The following EIF2AK4 variants were observed in gnomAD, a reference collection of about 807,000 sequenced individuals.
EIF2AK4 encodes the protein eukaryotic translation initiation factor 2 alpha kinase 4, also known as eIF-2-alpha kinase GCN2.
In EIF2AK4, 139 loss-of-function variants were observed where a neutral mutation model predicts 211.1. The ratio of observed to expected loss-of-function variants is 0.66; its 90% confidence interval spans 0.57 to 0.76. The LOEUF (loss-of-function observed/expected upper bound fraction) is 0.76, where lower values mean the gene tolerates loss of function less well. EIF2AK4 is among the 30% of genes least tolerant of loss of function. EIF2AK4 has a pLI of 0.00. For synonymous variants in EIF2AK4, 710 were observed against 751.3 expected (o/e 0.94, Z 0.90); for missense variants, 1,664 against 2,043.8 (o/e 0.81, Z 3.58).
intron 30 of EIF2AK4, among the ~76,000 whole-genome samples, chr15:40,020,014 A>G (rs1020414711): frequency 6.6e-6 from 1 of 151,994 alleles, no homozygotes; most frequent in Non-Finnish European, 1.5e-5. Context: ...TACAAAAATT[A>G]GCTGGGTGTG....
intron 33 of EIF2AK4, among the ~76,000 whole-genome samples, chr15:40,027,532 G>A (rs1442049535): frequency 6.6e-6 from 1 of 152,138 alleles, no homozygotes; most frequent in African/African-American, 2.4e-5. Context: ...CTTTAAAAAT[G>A]ATGATTCTAC....
chr15:39,953,691 C>T (rs977072805), intron 4 of EIF2AK4, among the ~76,000 whole-genome samples: 5 of 152,226 alleles, frequency 3.3e-5, no homozygotes, highest in Non-Finnish European at 7.3e-5. Context: ...TCCCCACACA[C>T]GCTCAAACCT....
intron 6 of EIF2AK4, among the ~76,000 whole-genome samples, chr15:39,958,875 T>C (rs1054316447): frequency 6.6e-6 from 1 of 152,076 alleles, no homozygotes; most frequent in Non-Finnish European, 1.5e-5. Flanking sequence ...ACTTGAAAAA[T>C]TGTCATCTCT....
intron 3 of EIF2AK4, 55 bp downstream of exon 3, chr15:39,943,540 T>C: frequency 7.3e-7 from 1 of 1,373,100 alleles, no homozygotes; most frequent in Non-Finnish European, 1.0e-6. Flanking sequence ...CCATTACACC[T>C]CAAATCCAAT....
rs509200 is a variant in EIF2AK4 at position 39,962,131 on chromosome 15, T to C, written c.859+232T>C. On this transcript the variant is annotated intron_variant, in intron 7 of 38. Coordinates refer to ENST00000263791, the MANE Select transcript of EIF2AK4 (RefSeq NM_001013703.4). Reference sequence around the variant, plus strand: ...TGTTTTTGTCTGGGCACCGTGGCTATGCCTATAATCCCAATACTTTGGGGG... The same window carrying C: ...TGTTTTTGTCTGGGCACCGTGGCTACGCCTATAATCCCAATACTTTGGGGG... Among the ~76,000 whole-genome samples the C allele has an allele frequency of 0.91, 138,948 of 152,184 alleles. 63,855 individuals carry two copies. Among genetic ancestry groups the C allele is most frequent in the Middle Eastern group, 0.97 (285 of 294 alleles).
Position 39,949,165 on chromosome 15 carries a change from A to G in EIF2AK4, c.410A>G (p.His137Arg), listed in dbSNP as rs35509999. ...CACGTGCAGTCATTTCTCAGCGAGC[A>G]TAACAAGCCCCCTCCCAAGTCTTTT... ...AYHVQSFLSE[H>R]NKPPPKSFHE... is the part of the protein sequence containing the mutation. Residue 137 changes from histidine (H) to arginine (R), a missense_variant, in exon 4 of 39, where the codon CAT (histidine) becomes CGT (arginine). Physicochemically the swap from His to Arg is conservative, Grantham distance 29. Around this residue, in one of 7 missense-constraint regions of EIF2AK4, gnomAD observed 641 missense variants for 729.6 expected, o/e 0.88. Transcript: ENST00000263791. The G allele has an allele frequency of 3.4e-5, 55 of 1,613,970 alleles. No individual in the cohort carries two copies. Among genetic ancestry groups the G allele is most frequent in the Admixed American group, 6.7e-5 (4 of 59,984 alleles).
chr15:40,022,396 G>T, intron 31 of EIF2AK4, 123 bp from the exon 32 acceptor site: 1 of 814,162 alleles, frequency 1.2e-6, no homozygotes. Flanking sequence ...TCCCCCTGAA[G>T]TCAGCATTTT....
chr15:40,029,430 G>A lies in EIF2AK4; in HGVS notation c.4527G>A (p.Val1509=), dbSNP rs752634939. 5 of 1,612,732 alleles carry A rather than the reference G, an allele frequency of 3.1e-6. No homozygotes were observed. The highest frequency in any genetic ancestry group is 4.2e-6 in the Non-Finnish European group (5 of 1,179,760). ...GAGAAGCTTCCGATAATCTTGCAGT[G>A]CAAAATCTGAAGGGGTCATTTTCTA... ...NGREASDNLA[V]QNLKGSFSNA... The change falls in exon 34 of 39, where the codon GTG becomes GTA. Residue 1509 remains valine, a synonymous_variant. Coordinates refer to ENST00000263791, the MANE Select transcript of EIF2AK4 (RefSeq NM_001013703.4).
Position 39,934,152 on chromosome 15 carries a change from C to T in EIF2AK4, c.-44C>T, listed in dbSNP as rs1260591108. On this transcript the variant is annotated 5_prime_UTR_variant, in exon 1 of 39. Transcript: ENST00000263791. ...CGCCCCGCAGGCTGCCGGGGGCCCACCGCCGCCCAGGCAAGGCCGCCCTGC... is the reference window on the plus strand; with the variant it reads ...CGCCCCGCAGGCTGCCGGGGGCCCATCGCCGCCCAGGCAAGGCCGCCCTGC... 7.8e-7 allele frequency: 1 copy of T among 1,277,034 alleles called. No individual in the cohort carries two copies. 79.1% of individuals were successfully genotyped at this position (1,277,034 alleles called of 1,614,324 possible).
In EIF2AK4 at chr15:39,963,165, TAGAC is replaced by T. The variant is rs1343055347; in HGVS notation, c.859+1270_859+1273del. On this transcript the variant is annotated intron_variant, in intron 7 of 38. Coordinates refer to ENST00000263791, the MANE Select transcript of EIF2AK4 (RefSeq NM_001013703.4). ...CCTGGACAGTAAAGGATCCTGCACATAGACAGAGCTGCCATATTTAGACAAAGGA... is the reference window on the plus strand; with the variant it reads ...CCTGGACAGTAAAGGATCCTGCACATAGAGCTGCCATATTTAGACAAAGGA... Among the ~76,000 whole-genome samples the T allele has an allele frequency of 2.6e-5, 4 of 152,326 alleles. No homozygotes were observed. In the East Asian group the frequency reaches 7.7e-4, roughly 29 times the overall value.
intron 30 of EIF2AK4, 56 bp downstream of exon 30, chr15:40,019,256 T>G (rs1445509596): frequency 7.2e-7 from 1 of 1,384,884 alleles, no homozygotes; most frequent in Non-Finnish European, 9.8e-7. Flanking sequence ...TTTCTAAAAG[T>G]ATGATTTGCC....
chr15:39,942,914 G>T (rs1362453488), intron 2 of EIF2AK4, among the ~76,000 whole-genome samples: 1 of 152,234 alleles, frequency 6.6e-6, no homozygotes, highest in African/African-American at 2.4e-5. Context: ...GGCCTTGCCA[G>T]TGAGCTGTCA....
chr15:40,010,136 G>A (rs905810780), intron 26 of EIF2AK4, among the ~76,000 whole-genome samples: 2 of 152,202 alleles, frequency 1.3e-5, no homozygotes, highest in African/African-American at 2.4e-5. Flanking sequence ...GCCCCGCTCT[G>A]TGAGCTAGGC....
intron 13 of EIF2AK4, among the ~76,000 whole-genome samples, chr15:39,985,021 G>A (rs1222407600): frequency 5.9e-5 from 9 of 152,132 alleles, no homozygotes; most frequent in African/African-American, 9.7e-5. Context: ...TTTGAGATAC[G>A]TTCCATCAAT....
rs371918935 is a variant in EIF2AK4 at position 40,003,392 on chromosome 15, T to C, written c.3357+78T>C. 42 of 1,567,488 alleles carry C rather than the reference T, an allele frequency of 2.7e-5. 1 individual carries two copies. The African/African-American group carries it at 3.5e-4, about 13-fold the overall frequency. On this transcript the variant is annotated intron_variant, in intron 23 of 38. Coordinates refer to ENST00000263791, the MANE Select transcript of EIF2AK4 (RefSeq NM_001013703.4). Reference sequence around the variant, plus strand: ...GATGGCATCTCTGTTAAAGGATTTTTCCCCCAGGCTTATATTATAAATGTC... The same window carrying C: ...GATGGCATCTCTGTTAAAGGATTTTCCCCCCAGGCTTATATTATAAATGTC...
In EIF2AK4 at chr15:40,019,177, G is replaced by T. The variant is rs1185305550; in HGVS notation, c.4150G>T (p.Ala1384Ser). ...CATAGCTATAGACAAGATATCTGCT[G>T]CTGTCCTCAACATGGAGGAATCTGT... ...VSIAIDKISA[A>S]VLNMEESVTI... The change falls in exon 30 of 39, where the codon GCT (alanine) becomes TCT (serine). Residue 1384 changes from alanine (A) to serine (S), a missense_variant. Physicochemically the swap from Ala to Ser is moderately conservative, Grantham distance 99. This residue lies in a region of EIF2AK4 where 622 missense variants were observed against 796.8 expected (regional missense o/e 0.78). Coordinates refer to ENST00000263791, the MANE Select transcript of EIF2AK4 (RefSeq NM_001013703.4). The T allele has an allele frequency of 1.9e-6, 3 of 1,598,334 alleles. No homozygotes were observed. The highest frequency in any genetic ancestry group is 2.7e-5 in the African/African-American group (2 of 74,450).
intron 3 of EIF2AK4, among the ~76,000 whole-genome samples, chr15:39,947,359 TAAG>T (rs1038372338): frequency 6.6e-6 from 1 of 152,236 alleles, no homozygotes; most frequent in African/African-American, 2.4e-5. Flanking sequence ...TGAATGGAAA[TAAG>T]TACTCAAAAA....
At chr15:39,963,249 T>C (rs965312841) in intron 7 of EIF2AK4, among the ~76,000 whole-genome samples, 1 of 152,232 alleles carries the variant, frequency 6.6e-6, no homozygotes, top group Admixed American at 6.5e-5. Flanking sequence ...GACCTGAGAC[T>C]GTCCTTGACT....
chr15:39,983,506 G>A (rs1382845573), intron 13 of EIF2AK4, among the ~76,000 whole-genome samples: 3 of 151,050 alleles, frequency 2.0e-5, no homozygotes, highest in South Asian at 2.1e-4. Flanking sequence ...GCAATAGCAC[G>A]ATCTCAGCTC....
Sources: allele counts gnomAD v4.1 joint callset (sites outside exome capture counted in the v4.1 genomes callset), GRCh38; gene constraint gnomAD v4.1.1; regional missense constraint gnomAD v4.1.1; transcripts MANE v1.5; gene names NCBI Gene and HGNC (gene_info 2026-07-23, HGNC 2026-07-21).